The following CHD7 variants were observed in gnomAD, a reference collection of about 807,000 sequenced individuals.
CHD7 encodes the protein ATP-dependent chromatin remodeler CHD7.
A neutral mutation model predicts 307.3 loss-of-function variants in CHD7; 24 were observed. The observed-to-expected ratio is 0.08, with a 90% confidence interval of 0.06 to 0.11. The LOEUF is 0.11. Among genes scored for constraint, CHD7 ranks in the 10% least tolerant of loss-of-function variants. CHD7 has a pLI of 1.00. For synonymous variants in CHD7, 1,363 were observed against 1,349.9 expected (o/e 1.01, Z -0.21); for missense variants, 3,106 against 3,727.1 (o/e 0.83, Z 4.34).
rs115859687 is a variant in CHD7, at chr8:60,848,953, T to A, written c.5301-98T>A. The A allele has an allele frequency of 1.6e-3, 1,535 of 958,358 alleles. 23 individuals are homozygous for A. The African/African-American group carries it at 0.022, about 14-fold the overall frequency. 59.4% of individuals were successfully genotyped at this position (958,358 alleles called of 1,614,324 possible). On this transcript the variant is annotated intron_variant, in intron 24 of 37. Transcript: ENST00000423902. Reference sequence around the variant, plus strand: ...CTGATACCTCCCCACCATGCTCAGATGTTTATCGTGGGAGAGAGGGCATGT... The same window carrying A: ...CTGATACCTCCCCACCATGCTCAGAAGTTTATCGTGGGAGAGAGGGCATGT...
chr8:60,831,360 A>G (rs1333863713), intron 15 of CHD7, among the ~76,000 whole-genome samples: 1 of 152,064 alleles, frequency 6.6e-6, no homozygotes, highest in African/African-American at 2.4e-5. Flanking sequence ...AGAGTTAGAA[A>G]AAGAAAAGAT....
chr8:60,682,063 C>T (rs759427877), intron 1 of CHD7, among the ~76,000 whole-genome samples: 13 of 151,948 alleles, frequency 8.6e-5, no homozygotes, highest in South Asian at 2.1e-4. Flanking sequence ...GTTTAAAAAC[C>T]CAAATATTAT....
Position 60,828,660 on chromosome 8 carries a change from C to T in CHD7, c.3379-3C>T. ...GTTAGTGGCTTTCCTTGTGTTACCT[C>T]AGGAACACAAAGTGCTGCTGACGGG... On this transcript the variant is annotated splice_region_variant and splice_polypyrimidine_tract_variant and intron_variant, in intron 13 of 37. Transcript: ENST00000423902. 6.2e-7 allele frequency: 1 copy of T among 1,600,244 alleles called. No individual in the cohort carries two copies. Among genetic ancestry groups the T allele is most frequent in the Non-Finnish European group, 8.5e-7 (1 of 1,174,030 alleles).
intron 6 of CHD7, among the ~76,000 whole-genome samples, chr8:60,804,718 C>T (rs1387368211): frequency 2.6e-5 from 4 of 152,116 alleles, no homozygotes; most frequent in Non-Finnish European, 5.9e-5. Context: ...TTGACTGTGA[C>T]TACTTAATTT....
intron 1 of CHD7, among the ~76,000 whole-genome samples, chr8:60,700,548 T>C (rs183590617): frequency 1.0e-3 from 154 of 152,360 alleles, no homozygotes; most frequent in African/African-American, 3.5e-3. Context: ...GTTAGGTGAC[T>C]GAATAGTTGG....
intron 1 of CHD7, among the ~76,000 whole-genome samples, chr8:60,697,634 A>G (rs933537331): frequency 3.5e-4 from 54 of 152,196 alleles, no homozygotes; most frequent in African/African-American, 1.2e-3. Flanking sequence ...ATACATTGAA[A>G]TGCCAAAAAA....
chr8:60,860,179 T>G (rs918333882), intron 34 of CHD7, among the ~76,000 whole-genome samples: 1 of 152,132 alleles, frequency 6.6e-6, no homozygotes, highest in Non-Finnish European at 1.5e-5. Flanking sequence ...GTGCACAGAG[T>G]GCCCATAAGT....
At chr8:60,756,539 A>G (rs1055225120) in intron 2 of CHD7, among the ~76,000 whole-genome samples, 1 of 152,216 alleles carries the variant, frequency 6.6e-6, no homozygotes. Flanking sequence ...AAGGCCAGGC[A>G]CGGTGGTGTG....
intron 25 of CHD7, 78 bp from the exon 26 acceptor site, chr8:60,850,415 G>A: frequency 6.6e-7 from 1 of 1,511,410 alleles, no homozygotes; most frequent in Non-Finnish European, 9.0e-7. Context: ...TTGTGTTGTG[G>A]CAGTGCTGTG....
intron 1 of CHD7, among the ~76,000 whole-genome samples, chr8:60,715,035 G>A (rs1807518462): frequency 6.6e-6 from 1 of 152,298 alleles, no homozygotes; most frequent in Non-Finnish European, 1.5e-5. Flanking sequence ...TTGTTTTTTT[G>A]TGTTGGTGGG....
intron 9 of CHD7, among the ~76,000 whole-genome samples, chr8:60,820,633 T>G (rs1035397970): frequency 1.3e-5 from 2 of 152,224 alleles, no homozygotes; most frequent in Admixed American, 1.3e-4. Flanking sequence ...TGAAGACAAG[T>G]GTAGTGACTT....
At chr8:60,744,687 T>C (rs1809236223) in intron 2 of CHD7, among the ~76,000 whole-genome samples, 1 of 151,594 alleles carries the variant, frequency 6.6e-6, no homozygotes, top group South Asian at 2.1e-4. Flanking sequence ...ACCCCGTCTC[T>C]ATTAAAAAAT....
In CHD7 at chr8:60,800,481, G is replaced by T. The variant is rs1586350933; in HGVS notation, c.2332G>T (p.Ala778Ser). The change falls in exon 5 of 38, where the codon GCT becomes TCT. Residue 778 changes from alanine to serine, a missense_variant. By Grantham distance (99) the Ala-to-Ser change is moderately conservative. Coordinates refer to ENST00000423902, the MANE Select transcript of CHD7 (RefSeq NM_017780.4). ...TGAGGAGGCAGATGATGCAGATGCT[G>T]CTGGGAGGGATTCCCCCTCCAACAC... is the stretch of plus-strand genomic sequence containing the variant. ...SDEEADDADA[A>S]GRDSPSNTSQ... The T allele has an allele frequency of 3.1e-6, 5 of 1,613,888 alleles. No individual in the cohort carries two copies. The highest frequency in any genetic ancestry group is 3.4e-6 in the Non-Finnish European group (4 of 1,179,814).
intron 15 of CHD7, among the ~76,000 whole-genome samples, chr8:60,834,766 G>T (rs1327733299): frequency 6.6e-6 from 1 of 152,192 alleles, no homozygotes; most frequent in African/African-American, 2.4e-5. Flanking sequence ...TTAATAGGCT[G>T]TATTTCTGCA....
chr8:60,788,928 G>T (rs1254388984), intron 3 of CHD7, among the ~76,000 whole-genome samples: 2 of 152,142 alleles, frequency 1.3e-5, no homozygotes, highest in Non-Finnish European at 2.9e-5. Flanking sequence ...TTTTTATTTT[G>T]TGGGGTTGAT....
At chr8:60,803,698 A>T (rs960415729) in intron 6 of CHD7, among the ~76,000 whole-genome samples, 1 of 152,268 alleles carries the variant, frequency 6.6e-6, no homozygotes, top group Non-Finnish European at 1.5e-5. Context: ...CAATAAAAAA[A>T]TCCATTAGAA....
At chr8:60,818,843 G>A (rs754933525) in intron 8 of CHD7, among the ~76,000 whole-genome samples, 2 of 152,306 alleles carry the variant, frequency 1.3e-5, no homozygotes, top group South Asian at 2.1e-4. Context: ...ATATTTTAAT[G>A]CAGTTATGTT....
intron 1 of CHD7, among the ~76,000 whole-genome samples, chr8:60,728,266 G>A (rs948285280): frequency 6.6e-6 from 1 of 152,268 alleles, no homozygotes; most frequent in African/African-American, 2.4e-5. Flanking sequence ...GGTGTCATCA[G>A]TGTGCAGTTC....
intron 1 of CHD7, among the ~76,000 whole-genome samples, chr8:60,714,278 C>T (rs888112524): frequency 3.9e-4 from 59 of 152,182 alleles, no homozygotes; most frequent in African/African-American, 1.3e-3. Flanking sequence ...GGCACCGTGG[C>T]CTCCCACCCA....
Sources: allele counts gnomAD v4.1 joint callset (sites outside exome capture counted in the v4.1 genomes callset), GRCh38; gene constraint gnomAD v4.1.1; transcripts MANE v1.5; gene names NCBI Gene and HGNC (gene_info 2026-07-23, HGNC 2026-07-21).